TTC28: variants seen among roughly 807,000 people sequenced by gnomAD.
The protein encoded by TTC28 is tetratricopeptide repeat domain 28.
A neutral mutation model predicts 198.0 loss-of-function variants in TTC28; 61 were observed. The ratio of observed to expected loss-of-function variants is 0.31; its 90% CI spans 0.25 to 0.38. The LOEUF is 0.38. Ranked by LOEUF, TTC28 falls within the 10% of genes least tolerant of loss-of-function variation. TTC28 has a pLI of 1.00. For missense variants in TTC28, 2,678 were observed against 3,164.0 expected (o/e 0.85, Z 3.69); for synonymous variants, 1,171 against 1,297.8 (o/e 0.90, Z 2.10).
intron 12 of TTC28, among the ~76,000 whole-genome samples, chr22:28,047,909 G>GC (rs2146694755): frequency 6.6e-6 from 1 of 152,276 alleles, no homozygotes; most frequent in African/African-American, 2.4e-5. Flanking sequence ...CATGAAGGAA[G>GC]GGAGGCAACC....
chr22:27,995,787 G>A (rs1000852871), intron 17 of TTC28, among the ~76,000 whole-genome samples: 7 of 152,186 alleles, frequency 4.6e-5, no homozygotes, highest in Non-Finnish European at 1.0e-4. Context: ...GTGGGTCACT[G>A]TCGTCGGCTG....
intron 5 of TTC28, among the ~76,000 whole-genome samples, chr22:28,288,954 C>A (rs1195505501): frequency 6.6e-6 from 1 of 152,178 alleles, no homozygotes; most frequent in African/African-American, 2.4e-5. Flanking sequence ...CTACTCACAG[C>A]AGCAGCTTCA....
chr22:28,199,430 T>C (rs1601463874), intron 5 of TTC28, among the ~76,000 whole-genome samples: 1 of 140,142 alleles, frequency 7.1e-6, no homozygotes, highest in Non-Finnish European at 1.5e-5. Context: ...TATGTAACTA[T>C]TCCAGGAGTT....
chr22:28,595,948 A>T (rs192166586), intron 2 of TTC28, among the ~76,000 whole-genome samples: 1 of 152,236 alleles, frequency 6.6e-6, no homozygotes, highest in East Asian at 1.9e-4. Flanking sequence ...CATGTAAGTC[A>T]CTGTTCTACA....
chr22:28,523,130 C>G (rs1013560567), intron 2 of TTC28, among the ~76,000 whole-genome samples: 1 of 151,760 alleles, frequency 6.6e-6, no homozygotes, highest in Non-Finnish European at 1.5e-5. Flanking sequence ...AATATAAAGA[C>G]ACAGAGAGAT....
chr22:28,073,306 C>G (rs551989389), intron 12 of TTC28, among the ~76,000 whole-genome samples: 1 of 152,222 alleles, frequency 6.6e-6, no homozygotes, highest in South Asian at 2.1e-4. Context: ...AAGGGAAAGT[C>G]AAGCTTAGAA....
Position 28,297,860 on chromosome 22 carries a change from TAAAC to T in TTC28, c.530-12_530-9del, listed in dbSNP as rs1187218544. On this transcript the variant is annotated splice_polypyrimidine_tract_variant and intron_variant, in intron 3 of 22. Transcript: ENST00000397906. ...AAGTGGGCTCGAGGGAGTCTGAAAA[TAAAC>T]AACAATAACAGCAACATAACAGGAG... 1.0e-5 allele frequency: 16 copies of T among 1,550,138 alleles called. No individual in the cohort carries two copies. Among genetic ancestry groups the T allele is most frequent in the Non-Finnish European group, 1.4e-5 (16 of 1,146,432 alleles).
In TTC28 at chr22:28,401,674, C is replaced by T. The variant is rs139749705; in HGVS notation, c.382-95031G>A. Among the ~76,000 whole-genome samples the T allele has an allele frequency of 2.0e-4, 30 of 152,110 alleles. No individual in the cohort carries two copies. In the East Asian group the frequency reaches 3.9e-3, roughly 20 times the overall value. On this transcript the variant is annotated intron_variant, in intron 2 of 22. Coordinates refer to ENST00000397906, the MANE Select transcript of TTC28 (RefSeq NM_001145418.2). ...GGCACAGTGGCCTGCATCTGTAATC[C>T]GAGTACTTTGGGAGACTGAGACAAG...
chr22:28,218,732 G>A (rs571828263), intron 5 of TTC28, among the ~76,000 whole-genome samples: 1 of 152,210 alleles, frequency 6.6e-6, no homozygotes, highest in Non-Finnish European at 1.5e-5. Context: ...CTCAAGGGTT[G>A]AGATTTATTA....
At chr22:28,371,360 A>G (rs2046328514) in intron 2 of TTC28, among the ~76,000 whole-genome samples, 1 of 147,792 alleles carries the variant, frequency 6.8e-6, no homozygotes, top group African/African-American at 2.5e-5. Flanking sequence ...AAAAAAAAAA[A>G]TTAGCTGGGC....
intron 2 of TTC28, among the ~76,000 whole-genome samples, chr22:28,612,520 T>C (rs762374429): frequency 1.8e-4 from 28 of 152,162 alleles, no homozygotes; most frequent in Admixed American, 1.6e-3. Flanking sequence ...CAACAGAATA[T>C]ACATTCTTCT....
At position 28,163,459 on chromosome 22, in the gene TTC28, G is replaced by C. The variant is rs1293874091; in HGVS notation, c.1074C>G (p.Gly358=). Residue 358 remains glycine, a synonymous_variant, in exon 6 of 23, where the codon GGC becomes GGG. Transcript: ENST00000397906. The stretch of plus-strand genomic sequence containing the variant: ...TGGCAATATACACAGCTCCCATGTT[G>C]CCAAGTTCTCGGGCTTCAGAAAGTT... ...KDELSEAREL[G]NMGAVYIAMG... 6.4e-7 allele frequency: 1 copy of C among 1,551,734 alleles called. No individual in the cohort carries two copies. The highest frequency in any genetic ancestry group is 1.2e-5 in the South Asian group (1 of 84,050).
At chr22:28,070,201 A>T (rs1303984935) in intron 12 of TTC28, among the ~76,000 whole-genome samples, 2 of 152,212 alleles carry the variant, frequency 1.3e-5, no homozygotes, top group Non-Finnish European at 2.9e-5. Context: ...AGGCCCAGCT[A>T]CATTCCAGGT....
rs573609271 is a variant in TTC28, at chr22:28,317,683, C to T, written c.382-11040G>A. ...ATCTGATATCTTCAACACTTTCCAG[C>T]TCTCTGACTGTCTTCCTTCCAATCT... On this transcript the variant is annotated intron_variant, in intron 2 of 22. Coordinates refer to ENST00000397906, the MANE Select transcript of TTC28 (RefSeq NM_001145418.2). 5.1e-4 allele frequency among the ~76,000 whole-genome samples: 78 copies of T among 152,312 alleles called. 1 individual carries two copies. The South Asian group carries it at 0.016, about 30-fold the overall frequency.
chr22:28,012,496 C>T (rs1938201204), intron 14 of TTC28, among the ~76,000 whole-genome samples: 1 of 152,154 alleles, frequency 6.6e-6, no homozygotes, highest in African/African-American at 2.4e-5. Context: ...GCTGCTGCTG[C>T]CTCAGGGGCT....
chr22:28,675,735 TCACACACA>T (rs71316854), intron 1 of TTC28, among the ~76,000 whole-genome samples: 63 of 135,204 alleles, frequency 4.7e-4, no homozygotes, highest in South Asian at 1.8e-3. Flanking sequence ...TGAAACCCTG[TCACACACA>T]CACACACACA....
chr22:28,621,125 T>G (rs145771049), intron 2 of TTC28, among the ~76,000 whole-genome samples: 1 of 152,234 alleles, frequency 6.6e-6, no homozygotes, highest in East Asian at 1.9e-4. Flanking sequence ...TCAACATTAT[T>G]GAGCTTATGT....
intron 12 of TTC28, among the ~76,000 whole-genome samples, chr22:28,072,403 T>C (rs1941024764): frequency 6.6e-6 from 1 of 152,222 alleles, no homozygotes; most frequent in Admixed American, 6.5e-5. Flanking sequence ...TGCTAAGTCG[T>C]CATCTGGCCT....
At chr22:28,410,936 T>C (rs1049734162) in intron 2 of TTC28, among the ~76,000 whole-genome samples, 1 of 152,182 alleles carries the variant, frequency 6.6e-6, no homozygotes, top group African/African-American at 2.4e-5. Flanking sequence ...CATTAATAAT[T>C]CTTACCTTGG....
Sources: gnomAD v4.1 joint callset for allele counts (sites outside exome capture counted in the v4.1 genomes callset) on GRCh38, gnomAD v4.1.1 for gene constraint, MANE v1.5 for transcripts, NCBI Gene and HGNC (gene_info 2026-07-23, HGNC 2026-07-21) for gene names.